PLEC: variants seen among roughly 807,000 people sequenced by gnomAD.
PLEC encodes plectin.
In PLEC, 216 loss-of-function variants were observed where a neutral mutation model predicts 392.8. That is an observed-to-expected ratio of 0.55 (90% confidence interval 0.49 to 0.62). The LOEUF (loss-of-function observed/expected upper bound fraction) is 0.62, where lower values mean the gene tolerates loss of function less well. Among genes scored for constraint, PLEC ranks in the 20% least tolerant of loss-of-function variants. The pLI is 0.00. For synonymous variants in PLEC, 3,621 were observed against 2,980.6 expected, an observed-to-expected ratio of 1.21 and a Z score of -7.00; for missense variants, 6,863 against 6,563.4, an observed-to-expected ratio of 1.05 and a Z score of -1.58.
chr8:143,973,684 C>T (rs1405163950), upstream of PLEC, among the ~76,000 whole-genome samples: 2 of 150,310 alleles, frequency 1.3e-5, 1 homozygote, highest in South Asian at 4.1e-4. The surrounding 1 kb of genome is among the most constrained non-coding windows in gnomAD (Gnocchi z 5.6). Flanking sequence ...GGGCCGGTTC[C>T]GCGGGCTCCG....
chr8:143,949,159 G>C (rs1772091507), intron 1 of PLEC, among the ~76,000 whole-genome samples: 1 of 152,226 alleles, frequency 6.6e-6, no homozygotes, highest in Non-Finnish European at 1.5e-5. Context: ...CACACGGGCA[G>C]CTGCGCCCTA....
intron 25 of PLEC, among the ~76,000 whole-genome samples, chr8:143,928,385 T>C (rs1554709528): frequency 9.2e-5 from 14 of 152,254 alleles, no homozygotes; most frequent in Non-Finnish European, 1.5e-5. Context: ...AATGGCACCC[T>C]GTGGTAGCCA....
At chr8:143,954,042 C>T (rs1268280598), upstream of PLEC, 1 of 764,010 alleles carries the variant, frequency 1.3e-6, no homozygotes, top group Non-Finnish European at 1.9e-6. The surrounding 1 kb of genome is among the most constrained non-coding windows in gnomAD (Gnocchi z 4.6). Flanking sequence ...GTCACCAGGC[C>T]GGATCCAGGA....
In PLEC at chr8:143,938,172, C is replaced by T. The variant is rs377363802; in HGVS notation, c.243G>A (p.Glu81=). 9 of 1,607,680 alleles carry T rather than the reference C, an allele frequency of 5.6e-6. No individual in the cohort carries two copies. In the African/African-American group the frequency reaches 1.2e-4, roughly 21 times the overall value. ...RDGHNLISLL[E]VLSGDSLPRE... is the part of the protein sequence containing the mutation. ...GTACCAGGCTGTCCCCCGAGAGGACCTCCAGCAGGGAGATGAGGTTGTGGC... is the reference window on the plus strand; with the variant it reads ...GTACCAGGCTGTCCCCCGAGAGGACTTCCAGCAGGGAGATGAGGTTGTGGC... The change falls in exon 3 of 32, where the codon GAG becomes GAA. Residue 81 remains glutamate, a synonymous_variant. Coordinates refer to ENST00000345136, the MANE Select transcript of PLEC (RefSeq NM_201384.3).
rs377602333 is a variant in PLEC, at chr8:143,919,413, C to A, written c.10408G>T (p.Ala3470Ser). 3.7e-6 allele frequency: 6 copies of A among 1,613,350 alleles called. No individual in the cohort carries two copies. The highest frequency in any genetic ancestry group is 4.2e-6 in the Non-Finnish European group (5 of 1,179,870). The change falls in exon 32 of 32, where the codon GCC becomes TCC. Residue 3470 changes from alanine (A) to serine (S), a missense_variant. Physicochemically the swap from Ala to Ser is moderately conservative, Grantham distance 99. Transcript: ENST00000345136. ...ACGGGGTCGATGATGCCGCCCGTGG[C>A]GATCTGGGCCTCCAGCAGGCGGATG... ...HGIRLLEAQI[A>S]TGGIIDPVHS...
At position 143,918,151 on chromosome 8, in the gene PLEC, C is replaced by T. The variant is rs2130894491; in HGVS notation, c.11670G>A (p.Lys3890=). 6.3e-7 allele frequency: 1 copy of T among 1,598,246 alleles called. No individual in the cohort carries two copies. The highest frequency in any genetic ancestry group is 8.5e-7 in the Non-Finnish European group (1 of 1,178,868). Residue 3890 remains lysine, a synonymous_variant, in exon 32 of 32, where the codon AAG becomes AAA. Coordinates refer to ENST00000345136, the MANE Select transcript of PLEC (RefSeq NM_201384.3). ...GCACCAGCTCCTCCATGGTGATCTG[C>T]TTCCGCAGGCCACGGAAGGTCAGCT... The part of the protein sequence containing the change: ...ARKLTFRGLR[K]QITMEELVRS...
chr8:143,924,474 G>T lies in PLEC; in HGVS notation c.5455C>A (p.Leu1819Met). 1 of 1,537,454 alleles carries T rather than the reference G, an allele frequency of 6.5e-7. No individual in the cohort carries two copies. The highest frequency in any genetic ancestry group is 8.7e-7 in the Non-Finnish European group (1 of 1,150,830). Residue 1819 changes from leucine to methionine, a missense_variant, in exon 31 of 32, where the codon CTG (leucine) becomes ATG (methionine). Coordinates refer to ENST00000345136, the MANE Select transcript of PLEC (RefSeq NM_201384.3). Reference sequence around the variant, plus strand: ...TGCCGCGCCGCGTCTTCCTCGGCCAGCTGCCGCTGCCGCTTGGCCTCTTCC... The same window carrying T: ...TGCCGCGCCGCGTCTTCCTCGGCCATCTGCCGCTGCCGCTTGGCCTCTTCC... ...LAEEAKRQRQLAEEDAARQRA... is the reference protein window; with the variant it reads ...LAEEAKRQRQMAEEDAARQRA...
chr8:143,926,497 A>C (rs1190352832), intron 30 of PLEC, among the ~76,000 whole-genome samples: 1 of 152,220 alleles, frequency 6.6e-6, no homozygotes, highest in Admixed American at 6.5e-5. Context: ...ACGCCAAGGA[A>C]GAGCCCACAG....
chr8:143,930,658 T>C, intron 19 of PLEC, 122 bp from the exon 20 acceptor site: 1 of 1,041,984 alleles, frequency 9.6e-7, no homozygotes, highest in Non-Finnish European at 1.4e-6. Context: ...TGGCAGCACT[T>C]GGAAGCAGGA....
At position 143,919,485 on chromosome 8, in the gene PLEC, A is replaced by G. The variant is rs782476476; in HGVS notation, c.10336T>C (p.Ser3446Pro). The G allele has an allele frequency of 8.7e-6, 14 of 1,612,982 alleles. No individual in the cohort carries two copies. Among genetic ancestry groups the G allele is most frequent in the Non-Finnish European group, 1.2e-5 (14 of 1,179,892 alleles). ...YRDPYSGSTISLFQAMQKGLV... is the reference protein window; with the variant it reads ...YRDPYSGSTIPLFQAMQKGLV... Reference sequence around the variant, plus strand: ...CCCTTCTGCATGGCCTGGAAGAGGGAGATGGTGCTGCCCGAGTAGGGGTCT... The same window carrying G: ...CCCTTCTGCATGGCCTGGAAGAGGGGGATGGTGCTGCCCGAGTAGGGGTCT... Residue 3446 changes from serine (S) to proline (P), a missense_variant, in exon 32 of 32, where the codon TCC (serine) becomes CCC (proline). Coordinates refer to ENST00000345136, the MANE Select transcript of PLEC (RefSeq NM_201384.3).
exon 1 of PLEC, chr8:143,950,732 C>CG: frequency 6.5e-7 from 1 of 1,547,256 alleles, no homozygotes; most frequent in South Asian, 1.2e-5. Context: ...GCAGTCAGTG[C>CG]GGGGGCAAAG....
rs1443632528 is a variant in PLEC at position 143,926,973 on chromosome 8, C to G, written c.3945+4G>C. On this transcript the variant is annotated splice_donor_region_variant and intron_variant, in intron 29 of 31. Coordinates refer to ENST00000345136, the MANE Select transcript of PLEC (RefSeq NM_201384.3). ...TCACCCAGTTAGGTTCGGCCCCACC[C>G]TACCTCCTGGATGACACTCTCTGAT... The G allele has an allele frequency of 6.2e-7, 1 of 1,612,372 alleles. No individual in the cohort carries two copies. The highest frequency in any genetic ancestry group is 8.5e-7 in the Non-Finnish European group (1 of 1,179,158).
Position 143,926,687 on chromosome 8 carries a change from A to T in PLEC, c.4044+97T>A. Reference sequence around the variant, plus strand: ...GCCAGTGGGGAGAGTGGGGAGGGCCACGAGAGGTGGCCTCAGGCAGCTCCT... The same window carrying T: ...GCCAGTGGGGAGAGTGGGGAGGGCCTCGAGAGGTGGCCTCAGGCAGCTCCT... On this transcript the variant is annotated intron_variant, in intron 30 of 31. Transcript: ENST00000345136. 12 of 1,025,830 alleles carry T rather than the reference A, an allele frequency of 1.2e-5. 1 individual carries two copies. In the South Asian group the frequency reaches 1.4e-4, roughly 12 times the overall value. The allele number at this position is 1,025,830 out of a possible 1,614,324, so 63.5% of individuals were successfully genotyped here.
intron 14 of PLEC, 39 bp downstream of exon 14, chr8:143,932,754 G>A (rs570838249): frequency 1.4e-5 from 22 of 1,609,064 alleles, no homozygotes; most frequent in African/African-American, 5.3e-5. Flanking sequence ...GGCTGGGCCC[G>A]GCCCACCCCC....
Position 143,916,998 on chromosome 8 carries a change from C to T in PLEC, c.12823G>A (p.Glu4275Lys). The T allele has an allele frequency of 6.2e-7, 1 of 1,612,854 alleles. No homozygotes were observed. Among genetic ancestry groups the T allele is most frequent in the Non-Finnish European group, 8.5e-7 (1 of 1,179,978 alleles). ...TQLASWSDPTEETGPVAGILD... is the reference protein window; with the variant it reads ...TQLASWSDPTKETGPVAGILD... ...ATGCCAGCCACGGGGCCCGTCTCCTCAGTGGGGTCTGACCAGGAGGCCAGC... is the reference window on the plus strand; with the variant it reads ...ATGCCAGCCACGGGGCCCGTCTCCTTAGTGGGGTCTGACCAGGAGGCCAGC... Residue 4275 changes from glutamate to lysine, a missense_variant, in exon 32 of 32, where the codon GAG (glutamate) becomes AAG (lysine). Physicochemically the swap from Glu to Lys is moderately conservative, Grantham distance 56. Coordinates refer to ENST00000345136, the MANE Select transcript of PLEC (RefSeq NM_201384.3).
At chr8:143,952,206 ACACGCG>A (rs1370665787), upstream of PLEC, among the ~76,000 whole-genome samples, 51 of 124,122 alleles carry the variant, frequency 4.1e-4, no homozygotes, top group African/African-American at 1.4e-3. Flanking sequence ...ACACACACAC[ACACGCG>A]CGCACACACG....
rs782305895 is a variant in PLEC, at chr8:143,927,226, G to A, written c.3840+26C>T. The A allele has an allele frequency of 2.5e-6, 4 of 1,606,594 alleles. No individual in the cohort carries two copies. The East Asian group carries it at 8.9e-5, about 36-fold the overall frequency. ...TCCTGGCAACGGTCCCGGACTTGGG[G>A]CCTGGTGCAGGCGGCTGGGCCTCAC... is the stretch of plus-strand genomic sequence containing the variant. On this transcript the variant is annotated intron_variant, in intron 28 of 31. Transcript: ENST00000345136.
rs782003639 is a variant in PLEC, at chr8:143,934,729, A to C, written c.947T>G (p.Ile316Ser). The C allele has an allele frequency of 1.2e-6, 2 of 1,612,488 alleles. No homozygotes were observed. Among genetic ancestry groups the C allele is most frequent in the South Asian group, 2.2e-5 (2 of 91,090 alleles). The change falls in exon 10 of 32, where the codon ATC (isoleucine) becomes AGC (serine). Residue 316 changes from isoleucine to serine, a missense_variant and splice_region_variant. Physicochemically the swap from Ile to Ser is moderately radical, Grantham distance 142. Transcript: ENST00000345136. ...RFPSSFEEIE[I>S]LWSQFLKFKE... Reference sequence around the variant, plus strand: ...AAACTTCAGGAACTGAGACCACAGGATCTGCCAGGGACGAGGCTGTCGGCA... The same window carrying C: ...AAACTTCAGGAACTGAGACCACAGGCTCTGCCAGGGACGAGGCTGTCGGCA...
Position 143,920,787 on chromosome 8 carries a change from C to G in PLEC, c.9034G>C (p.Glu3012Gln). 1 of 1,607,268 alleles carries G rather than the reference C, an allele frequency of 6.2e-7. No individual in the cohort carries two copies. ...RGERSVRDVA[E>Q]VDTVRRALRG... The stretch of plus-strand genomic sequence containing the variant: ...AGAGCCCGCCGCACAGTGTCCACCT[C>G]GGCTACGTCTCGCACAGAGCGCTCA... The change falls in exon 32 of 32, where the codon GAG becomes CAG. Residue 3012 changes from glutamate to glutamine, a missense_variant. Coordinates refer to ENST00000345136, the MANE Select transcript of PLEC (RefSeq NM_201384.3).
Sources: allele counts gnomAD v4.1 joint callset (sites outside exome capture counted in the v4.1 genomes callset), GRCh38; gene constraint gnomAD v4.1.1; non-coding constraint Gnocchi (gnomAD v3.1); transcripts MANE v1.5; gene names NCBI Gene and HGNC (gene_info 2026-07-23, HGNC 2026-07-21).